The following LSS variants were observed in gnomAD, a reference collection of about 807,000 sequenced individuals.
The protein encoded by LSS is lanosterol synthase, also known as 2,3-epoxysqualene-lanosterol cyclase.
A neutral mutation model predicts 110.3 loss-of-function variants in LSS; 90 were observed. The observed-to-expected ratio is 0.82, with a 90% CI of 0.69 to 0.97. The LOEUF (loss-of-function observed/expected upper bound fraction) is 0.97, where lower values mean the gene tolerates loss of function less well. Ranked by LOEUF, LSS falls within the 50% of genes least tolerant of loss-of-function variation. LSS has a pLI of 0.00. For missense variants in LSS, 927 were observed against 990.0 expected (o/e 0.94, Z 0.85); for synonymous variants, 433 against 400.0 (o/e 1.08, Z -0.98).
rs749254555 is a variant in LSS, at chr21:46,207,557, C to T, written c.1338G>A (p.Thr446=). 14 of 1,608,934 alleles carry T rather than the reference C, an allele frequency of 8.7e-6. 1 individual carries two copies. In the Middle Eastern group the frequency reaches 4.9e-4, roughly 57 times the overall value. ...QMRKGGFSFS[T]LDCGWIVSDC... ...CAGAAACGATCCAGCCGCAGTCCAG[C>T]GTACTGAAGGAGAAGCCACCCTGCA... Residue 446 remains threonine (T), a synonymous_variant, in exon 15 of 22, where the codon ACG becomes ACA. Coordinates refer to ENST00000397728, the MANE Select transcript of LSS (RefSeq NM_002340.6).
chr21:46,228,653 G>A, intron 1 of LSS, 54 bp from the exon 2 acceptor site: 1 of 1,596,382 alleles, frequency 6.3e-7, no homozygotes, highest in South Asian at 1.1e-5. Flanking sequence ...CCGGCCGCCG[G>A]CCCACTGCCC....
At chr21:46,224,250 AC>A (rs1401925317) in intron 3 of LSS, among the ~76,000 whole-genome samples, 2 of 152,130 alleles carry the variant, frequency 1.3e-5, no homozygotes, top group African/African-American at 2.4e-5. Context: ...TGGACACGTG[AC>A]CCACGTGACC....
chr21:46,209,758 G>C lies in LSS; in HGVS notation c.1195-133C>G, dbSNP rs1008251176. The C allele has an allele frequency of 4.4e-6, 3 of 683,864 alleles. No homozygotes were observed. Among genetic ancestry groups the C allele is most frequent in the South Asian group, 1.8e-5 (1 of 55,236 alleles). 42.4% of individuals were successfully genotyped at this position (683,864 alleles called of 1,614,324 possible). On this transcript the variant is annotated intron_variant, in intron 12 of 21. Coordinates refer to ENST00000397728, the MANE Select transcript of LSS (RefSeq NM_002340.6). This position sits in a 1 kb window ranked among gnomAD's most constrained non-coding sequence, Gnocchi z 4.4. ...AATCAAACCAGCAGACATCTCCAGAGAGTGCCAGGGTCTCCTGCTGCACTT... is the reference window on the plus strand; with the variant it reads ...AATCAAACCAGCAGACATCTCCAGACAGTGCCAGGGTCTCCTGCTGCACTT...
At position 46,189,916 on chromosome 21, in the gene LSS, G is replaced by C. The variant is rs569910734; in HGVS notation, c.*1188C>G. The C allele has an allele frequency of 5.7e-6, 2 of 350,542 alleles. No individual in the cohort carries two copies. Among genetic ancestry groups the C allele is most frequent in the Non-Finnish European group, 1.1e-5 (2 of 181,064 alleles). 21.7% of individuals were successfully genotyped at this position (350,542 alleles called of 1,614,324 possible). ...TCAGGCAAAGGCAAAGCCAGGACCTGAACTTCCCACCCCAAGCCCTACATC... is the reference window on the plus strand; with the variant it reads ...TCAGGCAAAGGCAAAGCCAGGACCTCAACTTCCCACCCCAAGCCCTACATC... On this transcript the variant is annotated 3_prime_UTR_variant, in exon 22 of 22. Coordinates refer to ENST00000397728, the MANE Select transcript of LSS (RefSeq NM_002340.6).
chr21:46,227,765 T>C, intron 2 of LSS, 75 bp from the exon 3 acceptor site: 3 of 1,531,304 alleles, frequency 2.0e-6, no homozygotes, highest in East Asian at 2.3e-5. Flanking sequence ...CCTCTTCACA[T>C]ACAGCCCAAG....
In LSS at chr21:46,227,371, G is replaced by A. The variant is rs539282989; in HGVS notation, c.319+181C>T. The A allele has an allele frequency of 4.4e-6, 3 of 681,486 alleles. No individual in the cohort carries two copies. In the African/African-American group the frequency reaches 5.4e-5, roughly 12 times the overall value. The allele number at this position is 681,486 out of a possible 1,614,324, so 42.2% of individuals were successfully genotyped here. A position where few individuals can be genotyped will look rare whatever the true frequency, so the allele number is the denominator to read the frequency against. ...GAGCCTGTCACCCTACACTGGCAAGGCTAGCTGATCCCCTAGACCAATAGC... is the reference window on the plus strand; with the variant it reads ...GAGCCTGTCACCCTACACTGGCAAGACTAGCTGATCCCCTAGACCAATAGC... On this transcript the variant is annotated intron_variant, in intron 3 of 21. Coordinates refer to ENST00000397728, the MANE Select transcript of LSS (RefSeq NM_002340.6).
At chr21:46,210,778 G>A in intron 11 of LSS, 34 bp from the exon 12 acceptor site, 1 of 1,605,354 alleles carries the variant, frequency 6.2e-7, no homozygotes, top group South Asian at 1.1e-5. Flanking sequence ...AGCAGCAGAT[G>A]CAGCCCCTCC....
In LSS at chr21:46,222,725, A is replaced by C; in HGVS notation, c.333T>G (p.Thr111=). The change falls in exon 4 of 22, where the codon ACT becomes ACG. Residue 111 remains threonine (T), a synonymous_variant. Coordinates refer to ENST00000397728, the MANE Select transcript of LSS (RefSeq NM_002340.6). ...GCAGAGGGATGCGTGCCACGTGGCAAGTGATCAGGAGGCCTGTGTGGCAGG... is the reference window on the plus strand; with the variant it reads ...GCAGAGGGATGCGTGCCACGTGGCACGTGATCAGGAGGCCTGTGTGGCAGG... ...PLFLLPGLLI[T]CHVARIPLPA... is the part of the protein sequence containing the mutation. 2 of 1,613,634 alleles carry C rather than the reference A, an allele frequency of 1.2e-6. No homozygotes were observed. The highest frequency in any genetic ancestry group is 1.7e-6 in the Non-Finnish European group (2 of 1,179,914).
At position 46,210,684 on chromosome 21, in the gene LSS, G is replaced by C. The variant is rs772425985; in HGVS notation, c.1194+4C>G. The C allele has an allele frequency of 6.2e-7, 1 of 1,613,774 alleles. No individual in the cohort carries two copies. Among genetic ancestry groups the C allele is most frequent in the Admixed American group, 1.7e-5 (1 of 59,988 alleles). ...AGGCTGAGAAAAGAGAAGGAGCCAC[G>C]AACCTCAAGCAGAGCCTGGATGGCG... On this transcript the variant is annotated splice_donor_region_variant and intron_variant, in intron 12 of 21. Coordinates refer to ENST00000397728, the MANE Select transcript of LSS (RefSeq NM_002340.6).
rs2080247597 is a variant in LSS, at chr21:46,219,501, G to A, written c.622C>T (p.Leu208Phe). The A allele has an allele frequency of 1.2e-6, 2 of 1,601,040 alleles. No individual in the cohort carries two copies. Among genetic ancestry groups the A allele is most frequent in the African/African-American group, 1.3e-5 (1 of 74,334 alleles). Reference protein sequence around the residue: ...AVLNVYSWEGLNTLFPEMWLF... With the variant: ...AVLNVYSWEGFNTLFPEMWLF... Reference sequence around the variant, plus strand: ...CACATCTCTGGGAACAGGGTATTGAGGCCTTCCCAGCTGTAAACATTCAGG... The same window carrying A: ...CACATCTCTGGGAACAGGGTATTGAAGCCTTCCCAGCTGTAAACATTCAGG... Residue 208 changes from leucine (L) to phenylalanine (F), a missense_variant, in exon 6 of 22, where the codon CTC (leucine) becomes TTC (phenylalanine). Transcript: ENST00000397728.
Position 46,221,837 on chromosome 21 carries a change from T to A in LSS, c.550+17A>T. The A allele has an allele frequency of 6.2e-7, 1 of 1,613,884 alleles. No homozygotes were observed. The highest frequency in any genetic ancestry group is 1.3e-5 in the African/African-American group (1 of 75,030). ...TGACACGAACCCCTGGCCCAGCACA[T>A]GCTGCACATGCCGTACCTTTCTTGT... On this transcript the variant is annotated intron_variant, in intron 5 of 21. Coordinates refer to ENST00000397728, the MANE Select transcript of LSS (RefSeq NM_002340.6).
chr21:46,228,544 G>A lies in LSS; in HGVS notation c.70C>T (p.Arg24Cys), dbSNP rs768764641. 1 of 1,597,808 alleles carries A rather than the reference G, an allele frequency of 6.3e-7. No individual in the cohort carries two copies. The highest frequency in any genetic ancestry group is 1.7e-5 in the Admixed American group (1 of 59,706). The part of the protein sequence containing the change: ...YKTEPATDLG[R>C]WRLNCERGRQ... ...CCCCTCTCGCAGTTGAGTCGCCAGC[G>A]GCCGAGGTCGGTGGCGGGCTCGGTC... Residue 24 changes from arginine to cysteine, a missense_variant, in exon 2 of 22, where the codon CGC (arginine) becomes TGC (cysteine). Arg to Cys is a radical substitution (Grantham distance 180, BLOSUM62 -3). Transcript: ENST00000397728.
At position 46,205,960 on chromosome 21, in the gene LSS, AAC is replaced by A. The variant is rs1569024577; in HGVS notation, c.1565-21_1565-20del. ...ATGTCCCCTGGGAAAGGGAGGGAAG[AAC>A]CAAGTGTTGGGTTTCACCCTGGCTG... On this transcript the variant is annotated intron_variant, in intron 16 of 21. Transcript: ENST00000397728. The A allele has an allele frequency of 6.4e-7, 1 of 1,568,040 alleles. No homozygotes were observed.
rs1470790647 is a variant in LSS at position 46,222,667 on chromosome 21, G to C, written c.391C>G (p.Leu131Val). 6.2e-7 allele frequency: 1 copy of C among 1,613,864 alleles called. No individual in the cohort carries two copies. Among genetic ancestry groups the C allele is most frequent in the Non-Finnish European group, 8.5e-7 (1 of 1,180,034 alleles). The change falls in exon 4 of 22, where the codon CTG (leucine) becomes GTG (valine). Residue 131 changes from leucine (L) to valine (V), a missense_variant. Physicochemically the swap from Leu to Val is conservative, Grantham distance 32 (BLOSUM62 1). Coordinates refer to ENST00000397728, the MANE Select transcript of LSS (RefSeq NM_002340.6). ...AGYREEIVRYLRSVQLPDGGW... is the reference protein window; with the variant it reads ...AGYREEIVRYVRSVQLPDGGW... ...CCGTCAGGGAGCTGCACTGACCGCA[G>C]GTACCGCACAATCTCTTCTCTGTAT...
Position 46,209,497 on chromosome 21 carries a change from G to T in LSS, c.1266+57C>A. The T allele has an allele frequency of 6.7e-7, 1 of 1,491,328 alleles. No individual in the cohort carries two copies. Among genetic ancestry groups the T allele is most frequent in the Non-Finnish European group, 9.1e-7 (1 of 1,099,694 alleles). The allele number at this position is 1,491,328 out of a possible 1,614,324, so 92.4% of individuals were successfully genotyped here. A position where few individuals can be genotyped will look rare whatever the true frequency, so the allele number is the denominator to read the frequency against. On this transcript the variant is annotated intron_variant, in intron 13 of 21. Coordinates refer to ENST00000397728, the MANE Select transcript of LSS (RefSeq NM_002340.6). The surrounding 1 kb of genome is among the most constrained non-coding windows in gnomAD (Gnocchi z 4.4). The stretch of plus-strand genomic sequence containing the variant: ...GAGGTGGGCACTTCTGCCTGCAGGA[G>T]CTCCCAGCCCTGATCCCCCTCTTCA...
rs2080362959 is a variant in LSS at position 46,227,702 on chromosome 21, TCGA to T, written c.181-15_181-13del. 6.5e-7 allele frequency: 1 copy of T among 1,545,108 alleles called. No homozygotes were observed. Among genetic ancestry groups the T allele is most frequent in the African/African-American group, 1.7e-5 (1 of 59,848 alleles). ...TTAAAGTAATTCTTCTGCAAAGAGATCGAAAAAAAAAAAAAGAGATAGCTGACG... is the reference window on the plus strand; with the variant it reads ...TTAAAGTAATTCTTCTGCAAAGAGATAAAAAAAAAAAAGAGATAGCTGACG... On this transcript the variant is annotated splice_polypyrimidine_tract_variant and intron_variant, in intron 2 of 21. Transcript: ENST00000397728.
At position 46,207,592 on chromosome 21, in the gene LSS, C is replaced by A; in HGVS notation, c.1318-15G>T. 1 of 1,605,316 alleles carries A rather than the reference C, an allele frequency of 6.2e-7. No individual in the cohort carries two copies. Among genetic ancestry groups the A allele is most frequent in the Non-Finnish European group, 8.5e-7 (1 of 1,176,750 alleles). On this transcript the variant is annotated splice_polypyrimidine_tract_variant and intron_variant, in intron 14 of 21. Coordinates refer to ENST00000397728, the MANE Select transcript of LSS (RefSeq NM_002340.6). Reference sequence around the variant, plus strand: ...GAGAAGCCACCCTGCAGAGCACAAGCCATGACTCCAGGCTGGGGGTGTCCA... The same window carrying A: ...GAGAAGCCACCCTGCAGAGCACAAGACATGACTCCAGGCTGGGGGTGTCCA...
chr21:46,215,343 G>T, intron 8 of LSS, 45 bp from the exon 9 acceptor site: 1 of 1,353,010 alleles, frequency 7.4e-7, no homozygotes, highest in Non-Finnish European at 1.0e-6. Flanking sequence ...CATGACACTG[G>T]CCTCAGCCTG....
At chr21:46,222,428 T>C in intron 4 of LSS, 2 of 579,256 alleles carry the variant, frequency 3.5e-6, no homozygotes, top group East Asian at 2.9e-5. Context: ...ACAAAATCCA[T>C]TTAACAAAAG....
Sources: gnomAD v4.1 joint callset for allele counts (sites outside exome capture counted in the v4.1 genomes callset) on GRCh38, gnomAD v4.1.1 for gene constraint, Gnocchi (gnomAD v3.1) non-coding constraint, MANE v1.5 for transcripts, NCBI Gene and HGNC (gene_info 2026-07-23, HGNC 2026-07-21) for gene names.